PPP2R2C: variants seen among roughly 807,000 people sequenced by gnomAD.
The protein encoded by PPP2R2C is protein phosphatase 2, regulatory subunit B, gamma.
PPP2R2C carries 10 observed loss-of-function variants against 45.3 expected under a neutral mutation model. That is an observed-to-expected ratio of 0.22 (90% CI 0.14 to 0.37). The LOEUF (loss-of-function observed/expected upper bound fraction) is 0.37. Ranked by LOEUF, PPP2R2C falls within the 10% of genes least tolerant of loss-of-function variation. The pLI, the probability that PPP2R2C is intolerant of heterozygous loss-of-function variation, is 1.00. For missense variants in PPP2R2C, 308 were observed against 619.7 expected, an observed-to-expected ratio of 0.50 and a Z score of 5.34; for synonymous variants, 257 against 245.4, an observed-to-expected ratio of 1.05 and a Z score of -0.44.
chr4:6,547,406 A>G (rs140753028), intron 1 of PPP2R2C, among the ~76,000 whole-genome samples: 35 of 152,206 alleles, frequency 2.3e-4, no homozygotes, highest in African/African-American at 8.2e-4. Flanking sequence ...CCAAGGAAAT[A>G]GCAGATTCTC....
At chr4:6,476,215 A>T (rs1319424242), upstream of PPP2R2C, among the ~76,000 whole-genome samples, 4 of 152,214 alleles carry the variant, frequency 2.6e-5, no homozygotes, top group African/African-American at 7.2e-5. Flanking sequence ...GTAAACACTC[A>T]TCTAACCACC....
intron 1 of PPP2R2C, among the ~76,000 whole-genome samples, chr4:6,535,642 C>T (rs964406777): frequency 2.6e-4 from 39 of 152,344 alleles, no homozygotes; most frequent in African/African-American, 9.4e-4. Context: ...AATGGGGTTA[C>T]TCCTCCCCAT....
rs143525793 is a variant in PPP2R2C, at chr4:6,452,812, G to A, written c.70+19348C>T. Among the ~76,000 whole-genome samples, 278 of 152,338 alleles carry A rather than the reference G, an allele frequency of 1.8e-3. 2 individuals carry two copies. The highest frequency in any genetic ancestry group is 0.011 in the South Asian group (51 of 4,824). On this transcript the variant is annotated intron_variant, in intron 1 of 8. Coordinates refer to ENST00000382599, the MANE Select transcript of PPP2R2C (RefSeq NM_020416.4). Reference sequence around the variant, plus strand: ...TCCCAAGCCTGGAAGCAAAGTAGCCGACTGAGTTCTTGGCCCAAAGGCCAC... The same window carrying A: ...TCCCAAGCCTGGAAGCAAAGTAGCCAACTGAGTTCTTGGCCCAAAGGCCAC...
At chr4:6,406,714 A>G (rs1011876652) in intron 1 of PPP2R2C, among the ~76,000 whole-genome samples, 2 of 152,146 alleles carry the variant, frequency 1.3e-5, no homozygotes, top group African/African-American at 4.8e-5. Context: ...CCGAGATCGC[A>G]CCACTGCACT....
intron 2 of PPP2R2C, among the ~76,000 whole-genome samples, chr4:6,510,817 A>C (rs779363414): frequency 1.3e-5 from 2 of 152,000 alleles, no homozygotes; most frequent in African/African-American, 2.4e-5. Context: ...CCCCACTAAA[A>C]ATCCAAAAAA....
At chr4:6,434,555 C>A (rs967641435) in intron 1 of PPP2R2C, among the ~76,000 whole-genome samples, 1 of 151,834 alleles carries the variant, frequency 6.6e-6, no homozygotes, top group Non-Finnish European at 1.5e-5. Flanking sequence ...GATGGGGTTT[C>A]GTGATGCTGG....
chr4:6,548,753 G>A lies in PPP2R2C; in HGVS notation c.-58-13376C>T, dbSNP rs187073429. Among the ~76,000 whole-genome samples the A allele has an allele frequency of 1.8e-3, 280 of 152,336 alleles. 6 individuals carry two copies. The highest frequency in any genetic ancestry group is 5.1e-4 in the Non-Finnish European group (35 of 68,042). ...AGGGGGCAGTCATTGGCTGAGGGCT[G>A]CCAGAAAGAACAGCCTTGGTTCAGT... On this transcript the variant is annotated intron_variant, in intron 1 of 9. Coordinates refer to the PPP2R2C transcript ENST00000506140.
At chr4:6,350,206 C>G (rs772901175) in intron 5 of PPP2R2C, 3 of 985,440 alleles carry the variant, frequency 3.0e-6, no homozygotes, top group Non-Finnish European at 3.6e-6. Context: ...AAGAGCCCTC[C>G]TCCTGCCATG....
intron 4 of PPP2R2C, 124 bp downstream of exon 4, chr4:6,375,695 G>GCAGCCA: frequency 1.3e-6 from 1 of 791,104 alleles, no homozygotes; most frequent in Non-Finnish European, 2.1e-6. Context: ...TGGCCGCCCA[G>GCAGCCA]CAGCCAGCAG....
chr4:6,532,657 T>C (rs541538134), intron 2 of PPP2R2C, among the ~76,000 whole-genome samples: 71 of 152,318 alleles, frequency 4.7e-4, no homozygotes, highest in Admixed American at 2.8e-3. Flanking sequence ...TGTCCAAGGA[T>C]CACAGTGTCC....
intron 1 of PPP2R2C, among the ~76,000 whole-genome samples, chr4:6,428,700 G>A (rs1719463007): frequency 1.3e-5 from 2 of 152,230 alleles, no homozygotes; most frequent in East Asian, 1.9e-4. Context: ...TGCCAACAGT[G>A]ACATTGGGAT....
chr4:6,379,350 C>T (rs1715601335), intron 2 of PPP2R2C, among the ~76,000 whole-genome samples: 1 of 152,166 alleles, frequency 6.6e-6, no homozygotes, highest in Non-Finnish European at 1.5e-5. Flanking sequence ...CAACACGAAA[C>T]CCCAACCAGG....
At chr4:6,383,961 G>C in intron 1 of PPP2R2C, 1 of 986,382 alleles carries the variant, frequency 1.0e-6, no homozygotes, top group Non-Finnish European at 1.2e-6. Flanking sequence ...GTGGTTAGAA[G>C]TGGGATGACG....
intron 5 of PPP2R2C, among the ~76,000 whole-genome samples, chr4:6,367,278 C>T (rs113421898): frequency 0.012 from 1,802 of 152,228 alleles, 19 homozygotes; most frequent in Non-Finnish European, 0.019. Context: ...TTTGCTGAGA[C>T]GGGAAGTGTT....
At chr4:6,535,610 C>G (rs1053010757) in intron 1 of PPP2R2C, among the ~76,000 whole-genome samples, 3 of 152,222 alleles carry the variant, frequency 2.0e-5, no homozygotes, top group South Asian at 2.1e-4. Context: ...CACCACCTTC[C>G]CCTCGGGCTA....
At chr4:6,346,866 T>C (rs1367729250) in intron 6 of PPP2R2C, among the ~76,000 whole-genome samples, 1 of 152,186 alleles carries the variant, frequency 6.6e-6, no homozygotes, top group Middle Eastern at 3.2e-3. Context: ...CTGGGGTTTA[T>C]TCAACAAGTG....
chr4:6,418,125 T>A (rs1001490216), intron 1 of PPP2R2C, among the ~76,000 whole-genome samples: 2 of 152,102 alleles, frequency 1.3e-5, no homozygotes, highest in Non-Finnish European at 2.9e-5. Flanking sequence ...AATGGGGTGA[T>A]CATAGCAACC....
At chr4:6,509,548 C>T (rs1381869467) in intron 2 of PPP2R2C, among the ~76,000 whole-genome samples, 1 of 152,110 alleles carries the variant, frequency 6.6e-6, no homozygotes, top group Non-Finnish European at 1.5e-5. Flanking sequence ...AATAAATCTG[C>T]CCAGAAATCC....
chr4:6,349,729 C>T (rs1011091245), intron 5 of PPP2R2C: 1 of 650,864 alleles, frequency 1.5e-6, no homozygotes, highest in Non-Finnish European at 1.9e-6. Flanking sequence ...TTGCAAAACC[C>T]CATCTCTACT....
Sources: allele counts gnomAD v4.1 joint callset (sites outside exome capture counted in the v4.1 genomes callset), GRCh38; gene constraint gnomAD v4.1.1; transcripts MANE v1.5; gene names NCBI Gene and HGNC (gene_info 2026-07-23, HGNC 2026-07-21).